Variants in MMAA observed in about 807,000 individuals in gnomAD.
MMAA encodes the protein methylmalonic aciduria type A protein, mitochondrial.
MMAA carries 41 observed loss-of-function variants against 45.0 expected under a neutral mutation model. The ratio of observed to expected loss-of-function variants is 0.91; its 90% CI spans 0.71 to 1.18. MMAA has a LOEUF of 1.18. Ranked by LOEUF, MMAA falls within the 50% of genes most tolerant of loss-of-function variation. The pLI, the probability that MMAA is intolerant of heterozygous loss-of-function variation, is 0.00. For missense variants in MMAA, 460 were observed against 495.7 expected, an observed-to-expected ratio of 0.93 and a Z score of 0.68; for synonymous variants, 154 against 178.2, an observed-to-expected ratio of 0.86 and a Z score of 1.08.
rs1457845613 is a variant in MMAA, at chr4:145,658,532, T to A, written c.*3098T>A. 6.6e-6 allele frequency: 1 copy of A among 152,188 alleles called. No individual in the cohort carries two copies. Among genetic ancestry groups the A allele is most frequent in the South Asian group, 2.1e-4 (1 of 4,836 alleles). The allele number at this position is 152,188 out of a possible 1,614,324, so 9.4% of individuals were successfully genotyped here. A position where few individuals can be genotyped will look rare whatever the true frequency, so the allele number is the denominator to read the frequency against. On this transcript the variant is annotated 3_prime_UTR_variant, in exon 7 of 7. Transcript: ENST00000649156. Reference sequence around the variant, plus strand: ...TGACAGTTATTTCAATAGTTGACAGTAGCTATCCCAATACAACCTAACAAG... The same window carrying A: ...TGACAGTTATTTCAATAGTTGACAGAAGCTATCCCAATACAACCTAACAAG...
At position 145,655,442 on chromosome 4, in the gene MMAA, C is replaced by A; in HGVS notation, c.*8C>A. 2 of 1,603,064 alleles carry A rather than the reference C, an allele frequency of 1.2e-6. No homozygotes were observed. Among genetic ancestry groups the A allele is most frequent in the Non-Finnish European group, 1.7e-6 (2 of 1,174,108 alleles). ...TTTAAAAGCAGAGACTAATAAAATTCATCCTGTATAATAATTTTACATATC... is the reference window on the plus strand; with the variant it reads ...TTTAAAAGCAGAGACTAATAAAATTAATCCTGTATAATAATTTTACATATC... On this transcript the variant is annotated 3_prime_UTR_variant, in exon 7 of 7. Transcript: ENST00000649156.
At chr4:145,619,445 G>A (rs568947513) in intron 1 of MMAA, 38 bp downstream of exon 1, 2 of 152,236 alleles carry the variant, frequency 1.3e-5, no homozygotes, top group Non-Finnish European at 2.9e-5. Context: ...CAGGAGTCGG[G>A]ACTGGGCTCC....
At position 145,657,031 on chromosome 4, in the gene MMAA, A is replaced by G. The variant is rs957246546; in HGVS notation, c.*1597A>G. On this transcript the variant is annotated 3_prime_UTR_variant, in exon 7 of 7. Transcript: ENST00000649156. ...TGGTTTTTAGAAACCTGAGAGAAGG[A>G]ATTTTATAATTTCCCTGAGTAAGCT... 2.0e-5 allele frequency: 3 copies of G among 152,198 alleles called. No individual in the cohort carries two copies. The highest frequency in any genetic ancestry group is 6.5e-5 in the Admixed American group (1 of 15,282). The allele number at this position is 152,198 out of a possible 1,614,324, so 9.4% of individuals were successfully genotyped here. A position where few individuals can be genotyped will look rare whatever the true frequency, so the allele number is the denominator to read the frequency against.
intron 4 of MMAA, among the ~76,000 whole-genome samples, chr4:145,647,245 T>G (rs1354099120): frequency 6.6e-6 from 1 of 152,112 alleles, no homozygotes; most frequent in Non-Finnish European, 1.5e-5. Flanking sequence ...TTGCAGATAA[T>G]AGAGAATACT....
intron 3 of MMAA, among the ~76,000 whole-genome samples, chr4:145,644,438 C>T (rs1727873697): frequency 6.6e-6 from 1 of 152,174 alleles, no homozygotes. Flanking sequence ...CTTTAAGAAA[C>T]TTTTCAATCT....
chr4:145,638,727 G>A (rs1331398640), intron 1 of MMAA, among the ~76,000 whole-genome samples: 1 of 152,142 alleles, frequency 6.6e-6, no homozygotes, highest in Non-Finnish European at 1.5e-5. Flanking sequence ...AGAATCTGGT[G>A]TATTGACCTG....
chr4:145,631,203 T>C (rs987095602), intron 1 of MMAA, among the ~76,000 whole-genome samples: 9 of 152,212 alleles, frequency 5.9e-5, no homozygotes, highest in East Asian at 1.9e-4. Context: ...TGTTTTGTTA[T>C]TAATTTTTTG....
chr4:145,630,845 A>T (rs1449592117), intron 1 of MMAA, among the ~76,000 whole-genome samples: 3 of 152,102 alleles, frequency 2.0e-5, no homozygotes, highest in African/African-American at 7.2e-5. Flanking sequence ...TTTTGGTATG[A>T]TGTGTTTCCA....
chr4:145,629,067 T>C (rs1435020752), intron 1 of MMAA, among the ~76,000 whole-genome samples: 1 of 152,180 alleles, frequency 6.6e-6, no homozygotes. Flanking sequence ...ATTGAAATGC[T>C]CATATGGTTT....
intron 1 of MMAA, among the ~76,000 whole-genome samples, chr4:145,620,907 C>T (rs183435468): frequency 5.9e-5 from 9 of 152,228 alleles, no homozygotes; most frequent in African/African-American, 1.2e-4. Context: ...GAAAGGCAAG[C>T]GCAAGAGGTG....
rs575811095 is a variant in MMAA, at chr4:145,621,135, C to T, written c.-66+1728C>T. Among the ~76,000 whole-genome samples, 3 of 152,312 alleles carry T rather than the reference C, an allele frequency of 2.0e-5. No individual in the cohort carries two copies. The South Asian group carries it at 6.2e-4, about 32-fold the overall frequency. ...TGCCAGGCCCTGTGCCAGGCTCTCT[C>T]ATGCATACTCATTTATACTCACCAT... On this transcript the variant is annotated intron_variant, in intron 1 of 6. Transcript: ENST00000649156.
intron 1 of MMAA, chr4:145,624,802 T>C (rs1055576811): frequency 1.1e-4 from 171 of 1,606,162 alleles, no homozygotes; most frequent in Non-Finnish European, 1.4e-4. Context: ...CAGGGCTCAT[T>C]GGCTCTGCAC....
intron 1 of MMAA, among the ~76,000 whole-genome samples, chr4:145,622,571 G>A (rs1734110993): frequency 6.6e-6 from 1 of 152,102 alleles, no homozygotes. Flanking sequence ...AAAATTAGTT[G>A]AAACATTTTG....
At chr4:145,643,682 T>C (rs1578880497) in intron 3 of MMAA, among the ~76,000 whole-genome samples, 1 of 152,304 alleles carries the variant, frequency 6.6e-6, no homozygotes, top group East Asian at 1.9e-4. Flanking sequence ...TCCATGTCAA[T>C]ATGTTGTCTC....
rs576991940 is a variant in MMAA at position 145,655,450 on chromosome 4, A to G, written c.*16A>G. On this transcript the variant is annotated 3_prime_UTR_variant, in exon 7 of 7. Transcript: ENST00000649156. ...CAGAGACTAATAAAATTCATCCTGTATAATAATTTTACATATCATTTCATA... is the reference window on the plus strand; with the variant it reads ...CAGAGACTAATAAAATTCATCCTGTGTAATAATTTTACATATCATTTCATA... The G allele has an allele frequency of 6.8e-5, 108 of 1,592,392 alleles. 1 individual carries two copies. The East Asian group carries it at 1.5e-3, about 22-fold the overall frequency.
intron 1 of MMAA, chr4:145,624,253 T>A (rs1425407990): frequency 2.5e-6 from 2 of 802,182 alleles, no homozygotes; most frequent in African/African-American, 3.4e-5. Context: ...GAGGCCATAA[T>A]GGTCTGGGGG....
At chr4:145,625,780 G>T (rs1734191643) in intron 1 of MMAA, 1 of 1,206,760 alleles carries the variant, frequency 8.3e-7, no homozygotes, top group Non-Finnish European at 1.2e-6. Context: ...GCCTGCTGTT[G>T]AATTGTCTCC....
chr4:145,641,952 A>G (rs1727798624), intron 2 of MMAA, among the ~76,000 whole-genome samples: 1 of 152,240 alleles, frequency 6.6e-6, no homozygotes, highest in Admixed American at 6.5e-5. Context: ...TTCTAGAATA[A>G]TGAGTTGTTT....
intron 1 of MMAA, chr4:145,624,206 T>A (rs149175343): frequency 4.8e-6 from 4 of 839,454 alleles, no homozygotes; most frequent in Non-Finnish European, 8.4e-6. Context: ...TTATCAACTT[T>A]AAGCTGCATA....
Sources: allele counts gnomAD v4.1 joint callset (sites outside exome capture counted in the v4.1 genomes callset), GRCh38; gene constraint gnomAD v4.1.1; transcripts MANE v1.5; gene names NCBI Gene and HGNC (gene_info 2026-07-23, HGNC 2026-07-21).